Variants in HKDC1 observed in about 807,000 individuals in gnomAD.
HKDC1 encodes hexokinase HKDC1.
HKDC1 carries 66 observed loss-of-function variants against 96.6 expected under a neutral mutation model. The ratio of observed to expected loss-of-function variants is 0.68; its 90% CI spans 0.56 to 0.84. HKDC1 has a LOEUF of 0.84. Among genes scored for constraint, HKDC1 ranks in the 40% least tolerant of loss-of-function variants. The pLI, the probability that HKDC1 is intolerant of heterozygous loss-of-function variation, is 0.00. For missense variants in HKDC1, 1,211 were observed against 1,208.1 expected (o/e 1.00, Z -0.04); for synonymous variants, 466 against 473.1 (o/e 0.98, Z 0.20).
At position 69,247,378 on chromosome 10, in the gene HKDC1, T is replaced by TA; in HGVS notation, c.1052dup (p.Asn351LysfsTer15). 6.2e-7 allele frequency: 1 copy of TA among 1,613,968 alleles called. No homozygotes were observed. Among genetic ancestry groups the TA allele is most frequent in the Non-Finnish European group, 8.5e-7 (1 of 1,179,872 alleles). ...TGGCCAGGTATAAAGAAGGCCTTGC[T>TA]AATACAAGAGAGATCCTGGTGGACC... On this transcript the variant is annotated frameshift_variant, in exon 9 of 18. Transcript: ENST00000354624. LOFTEE classifies it high-confidence loss of function.
intron 7 of HKDC1, among the ~76,000 whole-genome samples, chr10:69,244,443 C>A (rs1843505809): frequency 6.6e-6 from 1 of 152,228 alleles, no homozygotes; most frequent in Admixed American, 6.5e-5. Flanking sequence ...TCTAGTGACC[C>A]ATTGCAGTCA....
At chr10:69,249,829 T>C (rs533205767) in intron 10 of HKDC1, among the ~76,000 whole-genome samples, 1 of 152,228 alleles carries the variant, frequency 6.6e-6, no homozygotes, top group East Asian at 1.9e-4. Context: ...AATCATGCAT[T>C]TCCTTGACTG....
chr10:69,229,045 G>A (rs904655385), intron 2 of HKDC1, among the ~76,000 whole-genome samples: 4 of 152,362 alleles, frequency 2.6e-5, no homozygotes, highest in African/African-American at 4.8e-5. Context: ...GTCATGGGGT[G>A]CTGGGGACTC....
At chr10:69,264,420 C>T (rs1422668571) in intron 16 of HKDC1, among the ~76,000 whole-genome samples, 1 of 151,046 alleles carries the variant, frequency 6.6e-6, no homozygotes, top group Non-Finnish European at 1.5e-5. Context: ...ATTACCCAGG[C>T]TGGAGTACAG....
chr10:69,231,914 C>G (rs1204279394), intron 2 of HKDC1, among the ~76,000 whole-genome samples: 4 of 152,224 alleles, frequency 2.6e-5, no homozygotes, highest in Non-Finnish European at 5.9e-5. Context: ...ATGACTCCAT[C>G]AGCTCCTTTG....
chr10:69,265,875 T>C, intron 17 of HKDC1, 57 bp downstream of exon 17: 1 of 1,291,578 alleles, frequency 7.7e-7, no homozygotes, highest in Non-Finnish European at 1.1e-6. Flanking sequence ...CGGCCAAGTG[T>C]GGACTTGGCA....
chr10:69,264,397 A>G (rs1291278237), intron 16 of HKDC1, among the ~76,000 whole-genome samples: 3 of 150,392 alleles, frequency 2.0e-5, no homozygotes, highest in East Asian at 1.9e-4. Context: ...TTTTTGAGAC[A>G]AGATCTTACG....
chr10:69,241,898 G>T (rs763213267), intron 6 of HKDC1, among the ~76,000 whole-genome samples: 4 of 152,218 alleles, frequency 2.6e-5, no homozygotes, highest in Non-Finnish European at 4.4e-5. Flanking sequence ...CAGGCAAGGT[G>T]CACTGCAGCT....
In HKDC1 at chr10:69,233,208, A is replaced by G. The variant is rs955190137; in HGVS notation, c.495+75A>G. ...TGGGCACGGGTGGGAGTCAGGCTGCACGCAGGAGAGAACAGCAGGAGCTTT... is the reference window on the plus strand; with the variant it reads ...TGGGCACGGGTGGGAGTCAGGCTGCGCGCAGGAGAGAACAGCAGGAGCTTT... On this transcript the variant is annotated intron_variant, in intron 4 of 17. Coordinates refer to ENST00000354624, the MANE Select transcript of HKDC1 (RefSeq NM_025130.4). 19 of 1,579,560 alleles carry G rather than the reference A, an allele frequency of 1.2e-5. No individual in the cohort carries two copies. The Admixed American group carries it at 2.5e-4, about 21-fold the overall frequency.
Position 69,239,285 on chromosome 10 carries a change from A to G in HKDC1, c.591+148A>G, listed in dbSNP as rs188552980. 732 of 591,666 alleles carry G rather than the reference A, an allele frequency of 1.2e-3. 5 individuals carry two copies. The African/African-American group carries it at 0.012, about 10-fold the overall frequency. The allele number at this position is 591,666 out of a possible 1,614,324, so 36.7% of individuals were successfully genotyped here. On this transcript the variant is annotated intron_variant, in intron 5 of 17. Transcript: ENST00000354624. ...AGGAATTGATCTTAGAAAAGGTCCC[A>G]CTGTAGTACAGATGTGGCCAACTTG... is the stretch of plus-strand genomic sequence containing the variant.
chr10:69,241,561 G>A (rs1843457470), intron 6 of HKDC1, among the ~76,000 whole-genome samples: 1 of 152,162 alleles, frequency 6.6e-6, no homozygotes, highest in Non-Finnish European at 1.5e-5. Flanking sequence ...TTGGCTTACT[G>A]CAACCTCTGC....
At chr10:69,233,215 A>T (rs920527950) in intron 4 of HKDC1, 82 bp downstream of exon 4, 32 of 1,533,854 alleles carry the variant, frequency 2.1e-5, no homozygotes, top group Non-Finnish European at 2.7e-5. Context: ...TGCACGCAGG[A>T]GAGAACAGCA....
chr10:69,251,087 C>CTTTTTTTT (rs869084452), intron 12 of HKDC1, among the ~76,000 whole-genome samples: 1 of 92,688 alleles, frequency 1.1e-5, no homozygotes, highest in Non-Finnish European at 2.1e-5. Context: ...AAATACATTT[C>CTTTTTTTT]TTTTTTTTTT....
chr10:69,257,531 T>G, intron 14 of HKDC1, 105 bp downstream of exon 14: 5 of 894,628 alleles, frequency 5.6e-6, no homozygotes, highest in Non-Finnish European at 9.2e-6. Flanking sequence ...ACAGAGGCTC[T>G]GCCCAAGGCA....
intron 5 of HKDC1, among the ~76,000 whole-genome samples, chr10:69,239,598 C>T (rs1397596240): frequency 1.1e-4 from 16 of 152,280 alleles, no homozygotes; most frequent in Middle Eastern, 3.4e-3. Context: ...TAAACTACTG[C>T]GAAAGCAAGA....
chr10:69,262,675 A>T (rs537855193), intron 16 of HKDC1, among the ~76,000 whole-genome samples: 2 of 152,328 alleles, frequency 1.3e-5, no homozygotes, highest in South Asian at 4.1e-4. Flanking sequence ...TGGGCTGTTT[A>T]AGGGGAGTTC....
chr10:69,266,010 G>A (rs1388679258), intron 17 of HKDC1, among the ~76,000 whole-genome samples, 192 bp downstream of exon 17: 1 of 152,196 alleles, frequency 6.6e-6, no homozygotes, highest in Admixed American at 6.5e-5. Flanking sequence ...TCTGCTACCT[G>A]GTAATACGAT....
intron 12 of HKDC1, among the ~76,000 whole-genome samples, chr10:69,256,467 G>A (rs1257501153): frequency 6.6e-6 from 1 of 152,166 alleles, no homozygotes; most frequent in Non-Finnish European, 1.5e-5. Context: ...AGCACTTTTG[G>A]AGGCCAAGTC....
At position 69,243,164 on chromosome 10, in the gene HKDC1, C is replaced by T. The variant is rs750577149; in HGVS notation, c.692-18C>T. The T allele has an allele frequency of 2.5e-6, 4 of 1,613,934 alleles. No individual in the cohort carries two copies. In the East Asian group the frequency reaches 6.7e-5, roughly 27 times the overall value. ...TGGGAGTCCTCTCTCTGCATATTCT[C>T]TCTGATCCCTGGTTCAGGAACTGGC... On this transcript the variant is annotated intron_variant, in intron 6 of 17. Transcript: ENST00000354624.
Sources: gnomAD v4.1 joint callset for allele counts (sites outside exome capture counted in the v4.1 genomes callset) on GRCh38, gnomAD v4.1.1 for gene constraint, MANE v1.5 for transcripts, NCBI Gene and HGNC (gene_info 2026-07-23, HGNC 2026-07-21) for gene names.